The following ARL15 variants were observed in gnomAD, a reference collection of about 807,000 sequenced individuals.
ARL15 encodes the protein ADP-ribosylation factor-like protein 15.
A neutral mutation model predicts 25.2 loss-of-function variants in ARL15; 19 were observed. The observed-to-expected ratio is 0.75, with a 90% CI of 0.53 to 1.10. The LOEUF is 1.10. Ranked by LOEUF, ARL15 falls within the 50% of genes least tolerant of loss-of-function variation. The probability of loss-of-function intolerance (pLI) is 0.00; values close to 1 mark genes in which losing one functional copy is unlikely to be tolerated. For missense variants in ARL15, 220 were observed against 246.0 expected (o/e 0.89, Z 0.71); for synonymous variants, 94 against 86.8 (o/e 1.08, Z -0.46).
At chr5:54,168,372 T>C (rs1754634043) in intron 2 of ARL15, among the ~76,000 whole-genome samples, 1 of 148,158 alleles carries the variant, frequency 6.7e-6, no homozygotes, top group African/African-American at 2.5e-5. Context: ...ATTATTTTTA[T>C]CTTAAAACTC....
intron 4 of ARL15, among the ~76,000 whole-genome samples, chr5:54,056,773 G>C (rs1400907694): frequency 6.6e-6 from 1 of 152,060 alleles, no homozygotes; most frequent in Non-Finnish European, 1.5e-5. Flanking sequence ...GCACGACATA[G>C]CTGATTTTTG....
intron 1 of ARL15, among the ~76,000 whole-genome samples, chr5:54,195,168 T>C (rs1040650048): frequency 2.6e-5 from 4 of 152,268 alleles, no homozygotes; most frequent in Admixed American, 2.0e-4. Flanking sequence ...TTAGTTAATG[T>C]TGCTAATGTA....
At chr5:54,173,194 A>AG (rs1579872493) in intron 1 of ARL15, among the ~76,000 whole-genome samples, 4 of 151,002 alleles carry the variant, frequency 2.6e-5, no homozygotes, top group South Asian at 2.1e-4. Flanking sequence ...AGAAAAAAAA[A>AG]AAAAAGAAAA....
At chr5:54,126,633 T>A (rs1410971194) in intron 3 of ARL15, among the ~76,000 whole-genome samples, 1 of 152,162 alleles carries the variant, frequency 6.6e-6, no homozygotes, top group Non-Finnish European at 1.5e-5. Flanking sequence ...GCTTAGGTCA[T>A]GAGGGATTCA....
At chr5:54,221,372 A>G (rs1035644022) in intron 1 of ARL15, among the ~76,000 whole-genome samples, 1 of 152,228 alleles carries the variant, frequency 6.6e-6, no homozygotes, top group African/African-American at 2.4e-5. Context: ...ATTCACCTTG[A>G]TGTAACATAG....
chr5:54,262,074 C>T (rs1318825201), intron 1 of ARL15, among the ~76,000 whole-genome samples: 3 of 152,060 alleles, frequency 2.0e-5, no homozygotes, highest in Non-Finnish European at 2.9e-5. Flanking sequence ...GGCCATTTCT[C>T]GGAAGGATCT....
chr5:54,054,835 C>G (rs546373072), intron 4 of ARL15, among the ~76,000 whole-genome samples: 67 of 152,114 alleles, frequency 4.4e-4, no homozygotes, highest in African/African-American at 1.5e-3. Context: ...AGGTGTTAAT[C>G]TGAAGCAGAA....
intron 4 of ARL15, among the ~76,000 whole-genome samples, chr5:54,065,328 A>AGCT (rs1388972655): frequency 6.6e-6 from 1 of 152,216 alleles, no homozygotes; most frequent in African/African-American, 2.4e-5. Context: ...AATAGCCACT[A>AGCT]GCTACATCAG....
intron 1 of ARL15, among the ~76,000 whole-genome samples, chr5:54,184,819 G>A (rs1439899085): frequency 6.6e-6 from 1 of 152,078 alleles, no homozygotes; most frequent in African/African-American, 2.4e-5. Flanking sequence ...CTGGATCCCA[G>A]TGCCTTTCTT....
intron 3 of ARL15, among the ~76,000 whole-genome samples, chr5:54,153,441 T>G (rs554062197): frequency 6.6e-6 from 1 of 152,292 alleles, no homozygotes; most frequent in African/African-American, 2.4e-5. Flanking sequence ...TTCTTAAAAG[T>G]ACAATTATAA....
chr5:54,208,055 T>C (rs1208922862), intron 1 of ARL15, among the ~76,000 whole-genome samples: 6 of 152,256 alleles, frequency 3.9e-5, no homozygotes, highest in African/African-American at 1.4e-4. Context: ...CCCCCACCAC[T>C]GAGGCCCAGG....
intron 4 of ARL15, among the ~76,000 whole-genome samples, chr5:53,937,830 A>AT (rs914406466): frequency 2.6e-5 from 4 of 152,026 alleles, no homozygotes; most frequent in African/African-American, 9.6e-5. Flanking sequence ...AATGGCAAAA[A>AT]AAAAAAAGGG....
At chr5:53,969,434 T>C (rs1373674143) in intron 4 of ARL15, among the ~76,000 whole-genome samples, 1 of 152,172 alleles carries the variant, frequency 6.6e-6, no homozygotes, top group Non-Finnish European at 1.5e-5. Flanking sequence ...GTTTTTCTTT[T>C]TGTGTCTATC....
intron 1 of ARL15, among the ~76,000 whole-genome samples, chr5:54,176,834 C>T (rs771566538): frequency 3.9e-5 from 6 of 152,116 alleles, no homozygotes; most frequent in East Asian, 3.9e-4. Context: ...CTGCTCATTG[C>T]GATTTTCATT....
chr5:54,227,751 T>C (rs1756566261), intron 1 of ARL15, among the ~76,000 whole-genome samples: 1 of 152,202 alleles, frequency 6.6e-6, no homozygotes, highest in East Asian at 1.9e-4. Context: ...TTTTCCACAT[T>C]TGAGCACATT....
At chr5:53,975,946 G>T (rs1434459070) in intron 4 of ARL15, among the ~76,000 whole-genome samples, 2 of 152,210 alleles carry the variant, frequency 1.3e-5, no homozygotes, top group East Asian at 3.8e-4. Flanking sequence ...ATCAAGGAAA[G>T]CTACCCGCTG....
chr5:54,180,887 C>A (rs17413044), intron 1 of ARL15, among the ~76,000 whole-genome samples: 20,963 of 152,176 alleles, frequency 0.14, 1,836 homozygotes, highest in Non-Finnish European at 0.21. Flanking sequence ...ATTGGCCTCA[C>A]GGCTTTGCAG....
chr5:54,033,180 G>A (rs775116792), intron 4 of ARL15, among the ~76,000 whole-genome samples: 4 of 151,886 alleles, frequency 2.6e-5, no homozygotes, highest in Non-Finnish European at 5.9e-5. Flanking sequence ...GGGCGTGGTG[G>A]CGCATGACTG....
At chr5:54,239,556 T>A (rs1306100981) in intron 1 of ARL15, among the ~76,000 whole-genome samples, 3 of 152,190 alleles carry the variant, frequency 2.0e-5, no homozygotes, top group Non-Finnish European at 4.4e-5. Flanking sequence ...GTGAGAGAAC[T>A]GAGTACATAG....
Sources: gnomAD v4.1 joint callset for allele counts (sites outside exome capture counted in the v4.1 genomes callset) on GRCh38, gnomAD v4.1.1 for gene constraint, MANE v1.5 for transcripts, NCBI Gene and HGNC (gene_info 2026-07-23, HGNC 2026-07-21) for gene names.